The following PDE4D variants were observed in gnomAD, a reference collection of about 807,000 sequenced individuals.
The protein encoded by PDE4D is 3',5'-cyclic-AMP phosphodiesterase 4D.
PDE4D carries 24 observed loss-of-function variants against 87.4 expected under a neutral mutation model. The observed-to-expected ratio is 0.27, with a 90% CI of 0.20 to 0.39. PDE4D has a LOEUF of 0.39. Among genes scored for constraint, PDE4D ranks in the 10% least tolerant of loss-of-function variants. The pLI is 1.00. For synonymous variants in PDE4D, 384 were observed against 383.2 expected (o/e 1.00, Z -0.02); for missense variants, 714 against 1,041.0 (o/e 0.69, Z 4.32).
chr5:60,231,581 C>A (rs971737013), intron 1 of PDE4D, among the ~76,000 whole-genome samples: 8 of 151,652 alleles, frequency 5.3e-5, no homozygotes, highest in Non-Finnish European at 8.8e-5. Context: ...CCAGTATGTC[C>A]AATAAAAATC....
At chr5:60,386,969 C>T (rs1276840912) in intron 1 of PDE4D, among the ~76,000 whole-genome samples, 1 of 152,210 alleles carries the variant, frequency 6.6e-6, no homozygotes, top group Non-Finnish European at 1.5e-5. Flanking sequence ...GACGTGATTG[C>T]TGCTTTTACT....
intron 1 of PDE4D, among the ~76,000 whole-genome samples, chr5:60,510,087 G>C (rs1449264677): frequency 6.6e-6 from 1 of 152,182 alleles, no homozygotes; most frequent in Non-Finnish European, 1.5e-5. Flanking sequence ...CTAAGGGGAA[G>C]ACAACGTATA....
intron 1 of PDE4D, among the ~76,000 whole-genome samples, chr5:59,362,261 T>C (rs1444781925): frequency 6.6e-6 from 1 of 152,200 alleles, no homozygotes; most frequent in African/African-American, 2.4e-5. Context: ...AGAAACATCT[T>C]TAAGTTCTAA....
chr5:60,178,015 T>G (rs1784077507), intron 2 of PDE4D, among the ~76,000 whole-genome samples: 1 of 152,192 alleles, frequency 6.6e-6, no homozygotes. Flanking sequence ...AAGTTAAAGA[T>G]TATAAACTAA....
chr5:59,032,432 T>A (rs1757726635), intron 6 of PDE4D, among the ~76,000 whole-genome samples: 1 of 152,036 alleles, frequency 6.6e-6, no homozygotes, highest in African/African-American at 2.4e-5. Context: ...ATACAAAAAT[T>A]AGCTGGGCAT....
At chr5:59,830,461 C>G (rs1452638271) in intron 1 of PDE4D, among the ~76,000 whole-genome samples, 2 of 152,066 alleles carry the variant, frequency 1.3e-5, no homozygotes, top group Non-Finnish European at 2.9e-5. Flanking sequence ...TCATTCCAAA[C>G]TAATCTTTCA....
chr5:60,104,728 C>A (rs1180600113), intron 2 of PDE4D, among the ~76,000 whole-genome samples: 1 of 152,202 alleles, frequency 6.6e-6, no homozygotes, highest in Non-Finnish European at 1.5e-5. Context: ...TCTGCAGACA[C>A]CGCTACTGAT....
chr5:59,678,751 G>T (rs115119805), intron 1 of PDE4D, among the ~76,000 whole-genome samples: 1 of 152,044 alleles, frequency 6.6e-6, no homozygotes. Flanking sequence ...GTGAGCCACC[G>T]CACCTGGCCT....
chr5:59,681,403 G>A (rs1748980900), intron 1 of PDE4D, among the ~76,000 whole-genome samples: 2 of 152,084 alleles, frequency 1.3e-5, no homozygotes, highest in Admixed American at 6.5e-5. Flanking sequence ...TAATAAAAGA[G>A]GAAGAAATGA....
chr5:59,200,129 A>G (rs551293718), intron 2 of PDE4D, among the ~76,000 whole-genome samples: 3 of 148,710 alleles, frequency 2.0e-5, no homozygotes, highest in Admixed American at 1.3e-4. Context: ...ATGCATGTAG[A>G]CATACATGTA....
At chr5:59,193,822 T>C in intron 2 of PDE4D, 1 of 982,796 alleles carries the variant, frequency 1.0e-6, no homozygotes, top group Non-Finnish European at 1.2e-6. Context: ...AGAAATGGTG[T>C]TCCAGCAGTG....
At chr5:59,681,975 C>T (rs1475653629) in intron 1 of PDE4D, among the ~76,000 whole-genome samples, 3 of 151,478 alleles carry the variant, frequency 2.0e-5, no homozygotes, top group African/African-American at 4.8e-5. Flanking sequence ...TTCATCATGT[C>T]ATGATGCAGC....
At chr5:60,007,503 C>T (rs1764605903) in intron 2 of PDE4D, among the ~76,000 whole-genome samples, 1 of 151,880 alleles carries the variant, frequency 6.6e-6, no homozygotes, top group African/African-American at 2.4e-5. Flanking sequence ...AAAATCTAGC[C>T]AATAATTTCC....
intron 5 of PDE4D, among the ~76,000 whole-genome samples, chr5:59,120,581 T>TA (rs11349021): frequency 0.024 from 3,618 of 148,822 alleles, 112 homozygotes; most frequent in African/African-American, 0.075. Flanking sequence ...CCTTTCTCTT[T>TA]AAAAAAAAAA....
At chr5:59,755,936 C>T (rs1296598313) in intron 1 of PDE4D, among the ~76,000 whole-genome samples, 3 of 150,862 alleles carry the variant, frequency 2.0e-5, no homozygotes, top group African/African-American at 7.3e-5. Context: ...CTAATTTAAT[C>T]AGAGGGTTAT....
intron 1 of PDE4D, among the ~76,000 whole-genome samples, chr5:59,306,080 T>C (rs1320890690): frequency 6.6e-6 from 1 of 152,198 alleles, no homozygotes; most frequent in African/African-American, 2.4e-5. Flanking sequence ...CATTGTTAAG[T>C]GAATATATGT....
chr5:59,349,996 TGA>T (rs1470320960), intron 1 of PDE4D, among the ~76,000 whole-genome samples: 1 of 152,148 alleles, frequency 6.6e-6, no homozygotes, highest in Admixed American at 6.6e-5. Context: ...TTTGAATGTT[TGA>T]GATGGGGCTT....
At chr5:59,100,344 A>G (rs1380412013) in intron 5 of PDE4D, among the ~76,000 whole-genome samples, 1 of 152,162 alleles carries the variant, frequency 6.6e-6, no homozygotes, top group East Asian at 1.9e-4. Flanking sequence ...CTTTTTCTAC[A>G]TGCCTGTGAC....
chr5:59,205,081 C>G (rs1310589236), intron 2 of PDE4D, among the ~76,000 whole-genome samples: 1 of 152,012 alleles, frequency 6.6e-6, no homozygotes, highest in Non-Finnish European at 1.5e-5. Flanking sequence ...GGCAGTCATG[C>G]CCTTGACAAG....
Sources: allele counts gnomAD v4.1 joint callset (sites outside exome capture counted in the v4.1 genomes callset), GRCh38; gene constraint gnomAD v4.1.1; transcripts MANE v1.5; gene names NCBI Gene and HGNC (gene_info 2026-07-23, HGNC 2026-07-21).